Variants in UBN1 observed in about 807,000 individuals in gnomAD.
UBN1 encodes the protein ubinuclein-1.
Under a neutral mutation model 108.5 loss-of-function variants are expected in UBN1, and 17 were observed. The ratio of observed to expected loss-of-function variants is 0.16; its 90% confidence interval spans 0.11 to 0.24. The LOEUF is 0.24. Ranked by LOEUF, UBN1 falls within the 10% of genes least tolerant of loss-of-function variation. The pLI, the probability that UBN1 is intolerant of heterozygous loss-of-function variation, is 1.00. For synonymous variants in UBN1, 726 were observed against 564.2 expected, an observed-to-expected ratio of 1.29 and a Z score of -4.07; for missense variants, 1,595 against 1,394.4, an observed-to-expected ratio of 1.14 and a Z score of -2.29.
intron 2 of UBN1, among the ~76,000 whole-genome samples, chr16:4,856,919 A>G (rs931895405): frequency 6.6e-6 from 1 of 152,228 alleles, no homozygotes; most frequent in African/African-American, 2.4e-5. Flanking sequence ...TGCAGGTGGT[A>G]TTTCAGTAGG....
rs1320027081 is a variant in UBN1 at position 4,848,099 on chromosome 16, C to G, written c.-151C>G. On this transcript the variant is annotated 5_prime_UTR_variant, in exon 1 of 18. Coordinates refer to ENST00000262376, the MANE Select transcript of UBN1 (RefSeq NM_001079514.3). ...TGGGCCGAGGCGCGGGCCGCCCGCC[C>G]GCTGGGAGCCACGGCTTAGCAGCCG... The G allele has an allele frequency of 6.6e-6, 1 of 152,034 alleles. No individual in the cohort carries two copies. Among genetic ancestry groups the G allele is most frequent in the South Asian group, 2.1e-4 (1 of 4,838 alleles). 9.4% of individuals were successfully genotyped at this position (152,034 alleles called of 1,614,324 possible).
At chr16:4,851,169 A>T (rs1297125256) in intron 1 of UBN1, among the ~76,000 whole-genome samples, 1 of 152,212 alleles carries the variant, frequency 6.6e-6, no homozygotes, top group African/African-American at 2.4e-5. Flanking sequence ...TAGCAAATTC[A>T]TCTGGGGTTA....
rs369336029 is a variant in UBN1 at position 4,857,481 on chromosome 16, T to C, written c.250-509T>C. Among the ~76,000 whole-genome samples the C allele has an allele frequency of 3.4e-4, 51 of 152,152 alleles. No homozygotes were observed. In the South Asian group the frequency reaches 0.011, roughly 32 times the overall value. On this transcript the variant is annotated intron_variant, in intron 2 of 17. Transcript: ENST00000262376. ...GGAAATAAGCCTTGGAAGCCTGAGT[T>C]TAACTTTGGTAGCACCGAGAGAAGT...
At chr16:4,864,867 A>C (rs539483494) in intron 7 of UBN1, among the ~76,000 whole-genome samples, 2 of 132,724 alleles carry the variant, frequency 1.5e-5, no homozygotes, top group African/African-American at 8.4e-5. Context: ...ACGTAGGGGG[A>C]AAAAAAACGA....
At chr16:4,866,007 T>G (rs550730866) in intron 7 of UBN1, among the ~76,000 whole-genome samples, 2 of 152,048 alleles carry the variant, frequency 1.3e-5, no homozygotes, top group South Asian at 4.2e-4. Context: ...AAGATAAAAT[T>G]TGATTGGAAG....
intron 7 of UBN1, among the ~76,000 whole-genome samples, chr16:4,864,275 C>T (rs2087216738): frequency 6.6e-6 from 1 of 151,888 alleles, no homozygotes; most frequent in Non-Finnish European, 1.5e-5. Context: ...TGTATTCTGC[C>T]ACAGTACATA....
At chr16:4,857,091 C>T (rs1002102482) in intron 2 of UBN1, among the ~76,000 whole-genome samples, 1 of 152,000 alleles carries the variant, frequency 6.6e-6, no homozygotes, top group South Asian at 2.1e-4. Context: ...CCTGTAATCC[C>T]AGCACTTTGG....
In UBN1 at chr16:4,870,310, A is replaced by C; in HGVS notation, c.1280A>C (p.Lys427Thr). The C allele has an allele frequency of 1.2e-6, 2 of 1,614,162 alleles. No individual in the cohort carries two copies. The highest frequency in any genetic ancestry group is 2.2e-5 in the East Asian group (1 of 44,864). ...FLPCSKDALL[K>T]RARKLHLYEQ... ...CCCTGCAGCAAGGATGCCCTGCTCAAGCGTGCTCGGAAACTTCACCTCTAT... is the reference window on the plus strand; with the variant it reads ...CCCTGCAGCAAGGATGCCCTGCTCACGCGTGCTCGGAAACTTCACCTCTAT... Residue 427 changes from lysine (K) to threonine (T), a missense_variant, in exon 9 of 18, where the codon AAG becomes ACG. Lys to Thr is a moderately conservative substitution (Grantham distance 78). This residue lies in a region of UBN1 where 1,398 missense variants were observed against 1,194.7 expected (regional missense o/e 1.17). Transcript: ENST00000262376.
At chr16:4,875,522 G>T in intron 15 of UBN1, 88 bp downstream of exon 15, 1 of 1,511,774 alleles carries the variant, frequency 6.6e-7, no homozygotes, top group Non-Finnish European at 8.9e-7. Context: ...TGGAGAGTGA[G>T]ATCTAAAACC....
intron 1 of UBN1, among the ~76,000 whole-genome samples, chr16:4,852,036 G>C (rs988672050): frequency 1.3e-5 from 2 of 152,124 alleles, no homozygotes; most frequent in Non-Finnish European, 2.9e-5. Flanking sequence ...ATTGTCATTT[G>C]ATTGTCATTT....
rs554534830 is a variant in UBN1 at position 4,876,667 on chromosome 16, C to T, written c.3025-204C>T. Among the ~76,000 whole-genome samples the T allele has an allele frequency of 5.9e-5, 9 of 152,248 alleles. No individual in the cohort carries two copies. In the South Asian group the frequency reaches 1.9e-3, roughly 32 times the overall value. On this transcript the variant is annotated intron_variant, in intron 15 of 17. Coordinates refer to ENST00000262376, the MANE Select transcript of UBN1 (RefSeq NM_001079514.3). Reference sequence around the variant, plus strand: ...TAAAAAAATTATGTTCCCTGGAATCCATTCCATGTTGGTTCATAAAGACTG... The same window carrying T: ...TAAAAAAATTATGTTCCCTGGAATCTATTCCATGTTGGTTCATAAAGACTG...
Position 4,876,892 on chromosome 16 carries a change from C to T in UBN1, c.3046C>T (p.Leu1016=). ...CTAGAAAGGAGCGAGTGGGACTGTG[C>T]TGCTGGCCGGCTCCTCTTTGATGGC... The part of the protein sequence containing the change: ...SLSKGASGTV[L]LAGSSLMASP... The change falls in exon 16 of 18, where the codon CTG becomes TTG. Residue 1016 remains leucine, a synonymous_variant. Transcript: ENST00000262376. 3 of 1,609,858 alleles carry T rather than the reference C, an allele frequency of 1.9e-6. No individual in the cohort carries two copies. Among genetic ancestry groups the T allele is most frequent in the Non-Finnish European group, 2.5e-6 (3 of 1,177,654 alleles).
chr16:4,868,580 T>C (rs2087449577), intron 7 of UBN1, among the ~76,000 whole-genome samples: 1 of 152,212 alleles, frequency 6.6e-6, no homozygotes, highest in Non-Finnish European at 1.5e-5. Flanking sequence ...TGGCTTTGAC[T>C]CTGATTTTCT....
At chr16:4,864,086 T>TC (rs1474324915) in intron 7 of UBN1, among the ~76,000 whole-genome samples, 1 of 137,260 alleles carries the variant, frequency 7.3e-6, no homozygotes, top group Non-Finnish European at 1.6e-5. Flanking sequence ...TTTTTTTTTT[T>TC]TTTTTTTTTT....
intron 13 of UBN1, 33 bp from the exon 14 acceptor site, chr16:4,872,998 T>C: frequency 6.2e-7 from 1 of 1,614,228 alleles, no homozygotes; most frequent in Non-Finnish European, 8.5e-7. Context: ...CTGGATATTC[T>C]CTAAACTTTT....
At chr16:4,858,210 A>G in intron 3 of UBN1, 134 bp downstream of exon 3, 1 of 716,364 alleles carries the variant, frequency 1.4e-6, no homozygotes, top group Non-Finnish European at 2.4e-6. Context: ...GAAGAGAAGC[A>G]GTTATTAAAC....
At position 4,871,143 on chromosome 16, in the gene UBN1, C is replaced by T. The variant is rs2087612536; in HGVS notation, c.1560-12C>T. ...AGTAGTTTGGAGTTTCTGATTTCTG[C>T]CTCCTTCTCAGGGAGCTACTGTGCC... On this transcript the variant is annotated splice_polypyrimidine_tract_variant and intron_variant, in intron 11 of 17. Transcript: ENST00000262376. 1.2e-6 allele frequency: 2 copies of T among 1,613,354 alleles called. No homozygotes were observed. Among genetic ancestry groups the T allele is most frequent in the South Asian group, 2.2e-5 (2 of 90,998 alleles).
intron 1 of UBN1, among the ~76,000 whole-genome samples, chr16:4,850,507 G>T (rs2086507488): frequency 6.6e-6 from 1 of 152,154 alleles, no homozygotes; most frequent in Non-Finnish European, 1.5e-5. Flanking sequence ...CCTTCAGCTG[G>T]GATTTATTTC....
Position 4,868,885 on chromosome 16 carries a change from T to C in UBN1, c.1163T>C (p.Ile388Thr), listed in dbSNP as rs1241511978. The C allele has an allele frequency of 1.9e-6, 3 of 1,613,920 alleles. No individual in the cohort carries two copies. Among genetic ancestry groups the C allele is most frequent in the East Asian group, 2.2e-5 (1 of 44,878 alleles). ...ESRQKFFTQD[I>T]NGILLDIEAQ... ...AGACAGAAGTTCTTCACCCAGGATATTAATGGAATCCTATTAGAGTGAGTA... is the reference window on the plus strand; with the variant it reads ...AGACAGAAGTTCTTCACCCAGGATACTAATGGAATCCTATTAGAGTGAGTA... Residue 388 changes from isoleucine (I) to threonine (T), a missense_variant, in exon 8 of 18, where the codon ATT becomes ACT. Ile to Thr is a moderately conservative substitution (Grantham distance 89, BLOSUM62 -1). Transcript: ENST00000262376.
Sources: allele counts gnomAD v4.1 joint callset (sites outside exome capture counted in the v4.1 genomes callset), GRCh38; gene constraint gnomAD v4.1.1; regional missense constraint gnomAD v4.1.1; transcripts MANE v1.5; gene names NCBI Gene and HGNC (gene_info 2026-07-23, HGNC 2026-07-21).